The following TTC34 variants were observed in gnomAD, a reference collection of about 807,000 sequenced individuals.
TTC34 encodes tetratricopeptide repeat protein 34.
Under a neutral mutation model 40.7 loss-of-function variants are expected in TTC34, and 44 were observed. That is an observed-to-expected ratio of 1.08 (90% CI 0.85 to 1.39). The LOEUF (loss-of-function observed/expected upper bound fraction) is 1.39. TTC34 is among the 40% of genes most tolerant of loss of function. The pLI is 0.00. For missense variants in TTC34, 884 were observed against 838.0 expected (o/e 1.05, Z -0.68); for synonymous variants, 422 against 398.6 (o/e 1.06, Z -0.70).
At chr1:2,793,962 C>A (rs1333483601) in intron 2 of TTC34, among the ~76,000 whole-genome samples, 1 of 147,124 alleles carries the variant, frequency 6.8e-6, no homozygotes, top group Non-Finnish European at 1.5e-5. Flanking sequence ...CGCCCTCCTT[C>A]TTCTTCTGTG....
intron 6 of TTC34, chr1:2,775,708 C>G (rs1380061276): frequency 6.8e-6 from 1 of 147,738 alleles, no homozygotes; most frequent in Non-Finnish European, 1.5e-5. Context: ...CGGCAACCCA[C>G]ATCCCCAGGT....
At chr1:2,693,332 A>G (rs1640713389) in intron 6 of TTC34, among the ~76,000 whole-genome samples, 1 of 108,452 alleles carries the variant, frequency 9.2e-6, no homozygotes, top group African/African-American at 3.2e-5. Context: ...GACAGCCTGG[A>G]ACAGCACGCA....
intron 6 of TTC34, among the ~76,000 whole-genome samples, chr1:2,699,548 C>T (rs1641032468): frequency 1.4e-5 from 2 of 146,392 alleles, no homozygotes; most frequent in Non-Finnish European, 1.5e-5. Flanking sequence ...AGGTGAGCAT[C>T]TGACAGCCTG....
rs1326826968 is a variant in TTC34, at chr1:2,793,896, TCTC to T, written c.785-3553_785-3551del. 2.6e-5 allele frequency among the ~76,000 whole-genome samples: 4 copies of T among 152,052 alleles called. No homozygotes were observed. The East Asian group carries it at 7.7e-4, about 29-fold the overall frequency. On this transcript the variant is annotated intron_variant, in intron 2 of 8. Transcript: ENST00000401095. ...TCCTTCTCCATCTTCTGCTTCTCCT[TCTC>T]CTCTTCTCCCCCATCCCACCTCCCC... is the stretch of plus-strand genomic sequence containing the variant.
At position 2,752,122 on chromosome 1, in the gene TTC34, AC is replaced by A. The variant is rs1641339756; in HGVS notation, c.2226+31486del. Among the ~76,000 whole-genome samples, 2 of 106,618 alleles carry A rather than the reference AC, an allele frequency of 1.9e-5. 1 individual carries two copies. Among genetic ancestry groups the A allele is most frequent in the Non-Finnish European group, 3.6e-5 (2 of 55,848 alleles). The allele number at this position is 106,618 out of a possible 152,430, so 69.9% of individuals were successfully genotyped here. A position where few individuals can be genotyped will look rare whatever the true frequency, so the allele number is the denominator to read the frequency against. On this transcript the variant is annotated intron_variant, in intron 6 of 8. Coordinates refer to ENST00000401095, the Ensembl canonical transcript of TTC34. ...CGAGCATCGGACAGCCTGGAGCAACACCCACGCCCCCAGGTGCGCATGTGAT... is the reference window on the plus strand; with the variant it reads ...CGAGCATCGGACAGCCTGGAGCAACACCACGCCCCCAGGTGCGCATGTGAT...
intron 2 of TTC34, among the ~76,000 whole-genome samples, chr1:2,797,527 G>A (rs1470341069): frequency 6.6e-6 from 1 of 152,206 alleles, no homozygotes; most frequent in East Asian, 1.9e-4. Context: ...AATGACATGA[G>A]GCTTGATGGG....
chr1:2,778,521 G>A (rs1643393441), intron 6 of TTC34, among the ~76,000 whole-genome samples: 1 of 152,208 alleles, frequency 6.6e-6, no homozygotes, highest in Admixed American at 6.5e-5. Flanking sequence ...CACAGGGGAT[G>A]TCCCTTTTGT....
In TTC34 at chr1:2,759,480, C is replaced by A. The variant is rs1641620017; in HGVS notation, c.2226+24129G>T. 2.9e-5 allele frequency among the ~76,000 whole-genome samples: 4 copies of A among 139,474 alleles called. 1 individual carries two copies. The highest frequency in any genetic ancestry group is 1.4e-4 in the Admixed American group (2 of 13,994). The allele number at this position is 139,474 out of a possible 152,430, so 91.5% of individuals were successfully genotyped here. A position where few individuals can be genotyped will look rare whatever the true frequency, so the allele number is the denominator to read the frequency against. ...ACAGCCTGGAGCAGCACCCCACACC[C>A]CCAGGTGAGCATCGGGCAGCCTGGA... is the stretch of plus-strand genomic sequence containing the variant. On this transcript the variant is annotated intron_variant, in intron 6 of 8. Transcript: ENST00000401095.
intron 6 of TTC34, among the ~76,000 whole-genome samples, chr1:2,699,481 G>A (rs1240055624): frequency 9.3e-6 from 1 of 107,438 alleles, no homozygotes; most frequent in African/African-American, 3.0e-5. Context: ...ACAGCCTGGA[G>A]CAGCACCCAC....
At chr1:2,677,654 C>T (rs370705667) in intron 6 of TTC34, among the ~76,000 whole-genome samples, 12 of 144,728 alleles carry the variant, frequency 8.3e-5, no homozygotes, top group East Asian at 2.0e-4. Flanking sequence ...CACACACCCC[C>T]AGGCGAGCAT....
chr1:2,681,655 G>C (rs1349625493), intron 6 of TTC34, among the ~76,000 whole-genome samples: 2 of 74,248 alleles, frequency 2.7e-5, no homozygotes, highest in African/African-American at 9.4e-5. Context: ...GCCTGGAGCA[G>C]CATCCACACC....
exon 2 of TTC34, chr1:2,800,564 C>T (rs1457783617): frequency 3.0e-5 from 12 of 398,238 alleles, no homozygotes; most frequent in East Asian, 1.8e-4. Flanking sequence ...CAGAGGCCAG[C>T]GACCCTGTCA....
In TTC34 at chr1:2,796,404, T is replaced by C. The variant is rs1014215050; in HGVS notation, c.784+3640A>G. ...CATGCTTGTGCTGGTGCTGGCGATGTGGGGAGTCCCTTGACCGAAGTGACT... is the reference window on the plus strand; with the variant it reads ...CATGCTTGTGCTGGTGCTGGCGATGCGGGGAGTCCCTTGACCGAAGTGACT... On this transcript the variant is annotated intron_variant, in intron 2 of 8. Coordinates refer to ENST00000401095, the Ensembl canonical transcript of TTC34. The surrounding 1 kb of genome is among the most constrained non-coding windows in gnomAD (Gnocchi z 4.5). 6.6e-5 allele frequency among the ~76,000 whole-genome samples: 10 copies of C among 152,204 alleles called. No homozygotes were observed. Among genetic ancestry groups the C allele is most frequent in the Admixed American group, 2.0e-4 (3 of 15,280 alleles).
intron 6 of TTC34, among the ~76,000 whole-genome samples, chr1:2,781,766 T>C (rs116143464): frequency 3.1e-4 from 47 of 152,336 alleles, no homozygotes; most frequent in African/African-American, 1.1e-3. Flanking sequence ...TCTGCATCAG[T>C]TGAGATGATC....
intron 6 of TTC34, among the ~76,000 whole-genome samples, chr1:2,687,744 A>G (rs1640430404): frequency 2.0e-5 from 3 of 150,028 alleles, no homozygotes; most frequent in Non-Finnish European, 4.4e-5. Context: ...TGAACATCCG[A>G]CAGCCTGGAG....
chr1:2,684,360 A>T (rs1342210977), intron 6 of TTC34, among the ~76,000 whole-genome samples: 2 of 152,008 alleles, frequency 1.3e-5, no homozygotes, highest in African/African-American at 4.9e-5. Context: ...CCACACCCAC[A>T]GGTGAGCATC....
At chr1:2,783,522 C>T in intron 6 of TTC34, 87 bp downstream of exon 6, 1 of 1,268,834 alleles carries the variant, frequency 7.9e-7, no homozygotes, top group Non-Finnish European at 1.0e-6. Flanking sequence ...GCCTACCCGG[C>T]TCCCTCTCTC....
At chr1:2,798,194 TCAGCCCC>T (rs1643730684) in intron 2 of TTC34, among the ~76,000 whole-genome samples, 1 of 27,826 alleles carries the variant, frequency 3.6e-5, no homozygotes, top group Non-Finnish European at 7.5e-5. Flanking sequence ...TCCCAGCCTC[TCAGCCCC>T]TCAGCTCCCC....
chr1:2,783,979 C>A (rs1643534302), intron 5 of TTC34, among the ~76,000 whole-genome samples: 1 of 152,092 alleles, frequency 6.6e-6, no homozygotes, highest in Non-Finnish European at 1.5e-5. Flanking sequence ...TCAGCCAGGA[C>A]TGGGGACAGC....
Sources: allele counts gnomAD v4.1 joint callset (sites outside exome capture counted in the v4.1 genomes callset), GRCh38; gene constraint gnomAD v4.1.1; non-coding constraint Gnocchi (gnomAD v3.1); transcripts MANE v1.5; gene names NCBI Gene and HGNC (gene_info 2026-07-23, HGNC 2026-07-21).